KLHL1: variants seen among roughly 807,000 people sequenced by gnomAD.
KLHL1 encodes kelch-like protein 1.
In KLHL1, 47 loss-of-function variants were observed where a neutral mutation model predicts 77.7. That is an observed-to-expected ratio of 0.60 (90% CI 0.48 to 0.77). The LOEUF (loss-of-function observed/expected upper bound fraction) is 0.77, where lower values mean the gene tolerates loss of function less well. Among genes scored for constraint, KLHL1 ranks in the 30% least tolerant of loss-of-function variants. The probability of loss-of-function intolerance (pLI) is 0.00; values close to 1 mark genes in which losing one functional copy is unlikely to be tolerated. For synonymous variants in KLHL1, 360 were observed against 325.2 expected, an observed-to-expected ratio of 1.11 and a Z score of -1.15; for missense variants, 925 against 910.8, an observed-to-expected ratio of 1.02 and a Z score of -0.20.
chr13:69,864,081 GAA>G (rs1205077391), intron 5 of KLHL1, among the ~76,000 whole-genome samples: 1 of 150,622 alleles, frequency 6.6e-6, no homozygotes, highest in Admixed American at 6.6e-5. Context: ...ATGTTATTCT[GAA>G]AAAAAAATTC....
At chr13:70,076,461 T>G (rs1187245964) in intron 1 of KLHL1, among the ~76,000 whole-genome samples, 1 of 151,178 alleles carries the variant, frequency 6.6e-6, no homozygotes, top group Non-Finnish European at 1.5e-5. Flanking sequence ...ACACTGACTT[T>G]ACAGTTTTCA....
intron 8 of KLHL1, among the ~76,000 whole-genome samples, chr13:69,730,919 C>T (rs1180631423): frequency 6.6e-6 from 1 of 151,924 alleles, no homozygotes; most frequent in African/African-American, 2.4e-5. Flanking sequence ...GTTTTACTAT[C>T]CATGAATAGA....
intron 1 of KLHL1, among the ~76,000 whole-genome samples, chr13:70,053,166 A>G (rs1165870190): frequency 6.6e-6 from 1 of 152,100 alleles, no homozygotes; most frequent in Admixed American, 6.6e-5. Flanking sequence ...GAATTTCAAA[A>G]AATAAGATAT....
chr13:70,095,396 C>A (rs1048637030), intron 1 of KLHL1, among the ~76,000 whole-genome samples: 2 of 152,108 alleles, frequency 1.3e-5, no homozygotes, highest in Non-Finnish European at 2.9e-5. Flanking sequence ...TACATGGAAT[C>A]TTATTTAATG....
chr13:70,089,906 G>A (rs1469343615), intron 1 of KLHL1, among the ~76,000 whole-genome samples: 1 of 152,048 alleles, frequency 6.6e-6, no homozygotes, highest in African/African-American at 2.4e-5. Context: ...CCTCCATGTT[G>A]AAAATGCAAT....
intron 7 of KLHL1, among the ~76,000 whole-genome samples, chr13:69,754,833 G>A (rs139501894): frequency 1.3e-5 from 2 of 152,058 alleles, no homozygotes; most frequent in East Asian, 1.9e-4. Context: ...GCTATTACCC[G>A]AATGTTCCCT....
At position 70,107,248 on chromosome 13, in the gene KLHL1, T is replaced by C; in HGVS notation, c.452A>G (p.Glu151Gly). Residue 151 changes from glutamate to glycine, a missense_variant, in exon 1 of 11, where the codon GAG becomes GGG. Coordinates refer to ENST00000377844, the MANE Select transcript of KLHL1 (RefSeq NM_020866.3). ...TGTTGCCTGGCTAGAGTTGTCTGGC[T>C]CCACTTTGAGCTCTTGCAGAACCAG... ...KGLVLQELKV[E>G]PDNSSQATGE... 1.9e-6 allele frequency: 3 copies of C among 1,613,960 alleles called. No homozygotes were observed. The highest frequency in any genetic ancestry group is 2.2e-5 in the South Asian group (2 of 91,074).
rs1431224237 is a variant in KLHL1 at position 69,737,614 on chromosome 13, T to G, written c.1802+2780A>C. Among the ~76,000 whole-genome samples, 2 of 152,214 alleles carry G rather than the reference T, an allele frequency of 1.3e-5. 1 individual carries two copies. The highest frequency in any genetic ancestry group is 4.1e-4 in the South Asian group (2 of 4,832). On this transcript the variant is annotated intron_variant, in intron 8 of 10. Coordinates refer to ENST00000377844, the MANE Select transcript of KLHL1 (RefSeq NM_020866.3). Reference sequence around the variant, plus strand: ...ACTTCTCACAGGGGAACACAGTGACTGGGTCAGTTCGTGGCCAGACTGCTT... The same window carrying G: ...ACTTCTCACAGGGGAACACAGTGACGGGGTCAGTTCGTGGCCAGACTGCTT...
At chr13:70,053,684 T>G (rs913783993) in intron 1 of KLHL1, among the ~76,000 whole-genome samples, 1 of 152,086 alleles carries the variant, frequency 6.6e-6, no homozygotes, top group African/African-American at 2.4e-5. Flanking sequence ...ACCAAATATG[T>G]TTTTAGACTG....
intron 7 of KLHL1, among the ~76,000 whole-genome samples, chr13:69,751,508 T>C (rs537796929): frequency 2.0e-5 from 3 of 152,152 alleles, no homozygotes; most frequent in Admixed American, 2.0e-4. Flanking sequence ...GGATGAGGAA[T>C]TCTTGGCAGA....
At chr13:70,086,079 C>A (rs1887529302) in intron 1 of KLHL1, among the ~76,000 whole-genome samples, 1 of 152,018 alleles carries the variant, frequency 6.6e-6, no homozygotes, top group Non-Finnish European at 1.5e-5. Flanking sequence ...CTATTCCCAT[C>A]TTATCTAATG....
At chr13:69,765,268 A>G (rs1875240999) in intron 7 of KLHL1, among the ~76,000 whole-genome samples, 1 of 151,948 alleles carries the variant, frequency 6.6e-6, no homozygotes, top group Non-Finnish European at 1.5e-5. Flanking sequence ...TGCATGTTTT[A>G]TAGTGATGGT....
chr13:69,863,620 T>A (rs2138158181), intron 5 of KLHL1, among the ~76,000 whole-genome samples: 1 of 152,250 alleles, frequency 6.6e-6, no homozygotes, highest in South Asian at 2.1e-4. Flanking sequence ...TAAATAGTCT[T>A]AATACTGTGG....
intron 7 of KLHL1, among the ~76,000 whole-genome samples, chr13:69,754,256 G>A (rs1258068877): frequency 6.6e-6 from 1 of 152,116 alleles, no homozygotes; most frequent in Non-Finnish European, 1.5e-5. Context: ...CTCTCTGAGA[G>A]TTGTAGTAAT....
intron 4 of KLHL1, chr13:69,894,876 A>C: frequency 3.4e-6 from 1 of 297,834 alleles, no homozygotes. Context: ...TCTTCACCCT[A>C]ACTAGCACCT....
At chr13:69,910,577 T>C (rs1882205203) in intron 4 of KLHL1, among the ~76,000 whole-genome samples, 1 of 151,862 alleles carries the variant, frequency 6.6e-6, no homozygotes, top group African/African-American at 2.4e-5. Context: ...TCAGATAATG[T>C]TCTAGACTTC....
At chr13:70,007,479 A>G (rs1365887866) in intron 1 of KLHL1, among the ~76,000 whole-genome samples, 1 of 151,910 alleles carries the variant, frequency 6.6e-6, no homozygotes, top group African/African-American at 2.4e-5. Flanking sequence ...ATTAAAGTGA[A>G]ATTCAAACTT....
intron 1 of KLHL1, among the ~76,000 whole-genome samples, chr13:70,033,538 C>T (rs906186595): frequency 2.0e-5 from 3 of 150,390 alleles, no homozygotes; most frequent in Non-Finnish European, 3.0e-5. Flanking sequence ...CAATCTCCGA[C>T]CTCGTGATCC....
At chr13:69,704,443 T>C (rs912699127) in intron 10 of KLHL1, among the ~76,000 whole-genome samples, 1 of 151,652 alleles carries the variant, frequency 6.6e-6, no homozygotes, top group African/African-American at 2.4e-5. Flanking sequence ...TGTTTCTTGC[T>C]CAGTGAGACA....
Sources: gnomAD v4.1 joint callset for allele counts (sites outside exome capture counted in the v4.1 genomes callset) on GRCh38, gnomAD v4.1.1 for gene constraint, MANE v1.5 for transcripts, NCBI Gene and HGNC (gene_info 2026-07-23, HGNC 2026-07-21) for gene names.